Variants in NOTCH3 observed in about 807,000 individuals in gnomAD.
NOTCH3 encodes the protein notch receptor 3.
NOTCH3 carries 86 observed loss-of-function variants against 213.3 expected under a neutral mutation model. That is an observed-to-expected ratio of 0.40 (90% CI 0.34 to 0.48). The LOEUF is 0.48. NOTCH3 is among the 20% of genes least tolerant of loss of function. The probability of loss-of-function intolerance (pLI) is 0.57; values close to 1 mark genes in which losing one functional copy is unlikely to be tolerated. For missense variants in NOTCH3, 2,783 were observed against 3,272.6 expected, an observed-to-expected ratio of 0.85 and a Z score of 3.65; for synonymous variants, 1,354 against 1,355.9, an observed-to-expected ratio of 1.00 and a Z score of 0.03.
chr19:15,178,715 C>A, intron 23 of NOTCH3, 108 bp downstream of exon 23: 1 of 819,228 alleles, frequency 1.2e-6, no homozygotes, highest in Non-Finnish European at 2.1e-6. Flanking sequence ...AAACTCCCTT[C>A]CCTTCGATGT....
At chr19:15,184,874 A>C in intron 15 of NOTCH3, 32 bp downstream of exon 15, 2 of 1,199,938 alleles carry the variant, frequency 1.7e-6, no homozygotes, top group Non-Finnish European at 1.2e-6. Flanking sequence ...GAGGAGATGG[A>C]GAGGAGGAGG....
chr19:15,161,288 GC>G lies in NOTCH3; in HGVS notation c.6339del (p.Pro2115LeufsTer34). On this transcript the variant is annotated frameshift_variant, in exon 33 of 33. Transcript: ENST00000263388. LOFTEE classifies it low-confidence loss of function (END_TRUNC). ...GGGAAGCCACCAGGGGAAGCAGGGG[GC>G]CCACCGAAAGGCCGCGGGGAGTCCA... ...DSLDSPRPFGGPPASPGGFPL... is the reference protein window; with the variant it reads ...DSLDSPRPFGXPPASPGGFPL... 1 of 1,536,628 alleles carries G rather than the reference GC, an allele frequency of 6.5e-7. No individual in the cohort carries two copies. Among genetic ancestry groups the G allele is most frequent in the Non-Finnish European group, 8.7e-7 (1 of 1,144,240 alleles).
intron 2 of NOTCH3, among the ~76,000 whole-genome samples, chr19:15,194,668 A>G (rs1208355065): frequency 1.3e-5 from 2 of 152,046 alleles, no homozygotes; most frequent in Non-Finnish European, 2.9e-5. Context: ...AAAGTCTCAG[A>G]CCCATGTCCA....
chr19:15,177,405 A>G (rs2145414021), intron 24 of NOTCH3, 120 bp downstream of exon 24: 1 of 839,738 alleles, frequency 1.2e-6, no homozygotes, highest in South Asian at 1.4e-5. Flanking sequence ...GGGCAGATAG[A>G]GTGCACAGAG....
At chr19:15,182,866 T>A (rs2145425672) in intron 16 of NOTCH3, among the ~76,000 whole-genome samples, 1 of 152,264 alleles carries the variant, frequency 6.6e-6, no homozygotes, top group African/African-American at 2.4e-5. Flanking sequence ...GGTCTCAAAC[T>A]TCTGACCTCA....
In NOTCH3 at chr19:15,179,120, T is replaced by C. The variant is rs1394987716; in HGVS notation, c.3623A>G (p.Glu1208Gly). Residue 1208 changes from glutamate to glycine, a missense_variant, in exon 22 of 33, where the codon GAG (glutamate) becomes GGG (glycine). By Grantham distance (98) the Glu-to-Gly change is moderately conservative. Coordinates refer to ENST00000263388, the MANE Select transcript of NOTCH3 (RefSeq NM_000435.3). ...TGLRCEADIN[E>G]CRSGACHAAH... ...CGCGTGGCAGGCACCTGAGCGACAC[T>C]CATTGATGTCTGCCTCGCAGCGCAA... The C allele has an allele frequency of 6.2e-7, 1 of 1,614,162 alleles. No individual in the cohort carries two copies. The highest frequency in any genetic ancestry group is 8.5e-7 in the Non-Finnish European group (1 of 1,180,016).
intron 6 of NOTCH3, among the ~76,000 whole-genome samples, chr19:15,189,997 G>A (rs1047641806): frequency 6.6e-5 from 10 of 151,996 alleles, no homozygotes; most frequent in Non-Finnish European, 1.0e-4. Flanking sequence ...ATTGCAGACC[G>A]GGCACAGTGG....
intron 28 of NOTCH3, among the ~76,000 whole-genome samples, chr19:15,169,786 A>G (rs1483878834): frequency 6.6e-6 from 1 of 152,186 alleles, no homozygotes; most frequent in Non-Finnish European, 1.5e-5. Context: ...GGACACCTCC[A>G]GGAAGAGTGC....
rs566280818 is a variant in NOTCH3 at position 15,172,534 on chromosome 19, C to T, written c.4736+1534G>A. Among the ~76,000 whole-genome samples the T allele has an allele frequency of 6.6e-5, 10 of 152,198 alleles. No homozygotes were observed. The South Asian group carries it at 2.1e-3, about 32-fold the overall frequency. On this transcript the variant is annotated intron_variant, in intron 25 of 32. Coordinates refer to ENST00000263388, the MANE Select transcript of NOTCH3 (RefSeq NM_000435.3). ...TCCACCACCCACATCCCAATATCTG[C>T]AAAACCCAACCCTCCTCTCTGTATC...
chr19:15,165,675 C>A lies in NOTCH3; in HGVS notation c.5667+112G>T. On this transcript the variant is annotated intron_variant, in intron 30 of 32. Coordinates refer to ENST00000263388, the MANE Select transcript of NOTCH3 (RefSeq NM_000435.3). The surrounding 1 kb of genome is among the most constrained non-coding windows in gnomAD (Gnocchi z 4.7). Reference sequence around the variant, plus strand: ...TGACAGATACTGTATTCCCATATATCCCCATTTTCCAAATGAGAAAAAATG... The same window carrying A: ...TGACAGATACTGTATTCCCATATATACCCATTTTCCAAATGAGAAAAAATG... The A allele has an allele frequency of 8.1e-7, 1 of 1,229,536 alleles. No individual in the cohort carries two copies. Among genetic ancestry groups the A allele is most frequent in the Non-Finnish European group, 1.1e-6 (1 of 904,982 alleles). The allele number at this position is 1,229,536 out of a possible 1,614,324, so 76.2% of individuals were successfully genotyped here. A position where few individuals can be genotyped will look rare whatever the true frequency, so the allele number is the denominator to read the frequency against.
chr19:15,192,006 G>A lies in NOTCH3; in HGVS notation c.633C>T (p.Thr211=), dbSNP rs746518186. Reference sequence around the variant, plus strand: ...AAGTGAGGTCGCCACTCTGCCTGCAGGTGCCCCCGTTACGGCATGGTGAGG... The same window carrying A: ...AAGTGAGGTCGCCACTCTGCCTGCAAGTGCCCCCGTTACGGCATGGTGAGG... ...CAPSPCRNGG[T]CRQSGDLTYD... Residue 211 remains threonine (T), a synonymous_variant, in exon 4 of 33, where the codon ACC becomes ACT. Coordinates refer to ENST00000263388, the MANE Select transcript of NOTCH3 (RefSeq NM_000435.3). 4 of 1,613,238 alleles carry A rather than the reference G, an allele frequency of 2.5e-6. No homozygotes were observed. In the Admixed American group the frequency reaches 6.7e-5, roughly 27 times the overall value.
intron 5 of NOTCH3, 37 bp downstream of exon 5, chr19:15,191,708 G>C (rs368168586): frequency 6.2e-7 from 1 of 1,613,478 alleles, no homozygotes; most frequent in African/African-American, 1.3e-5. Flanking sequence ...GTCCACCCGA[G>C]GCCTGCCTCC....
rs747001926 is a variant in NOTCH3, at chr19:15,170,325, T to A, written c.5114+6A>T. Reference sequence around the variant, plus strand: ...GTCAGGGACAGGGAGCGAGCAGGGTTCTCACTTCATGCCCAGCGCGTCCTG... The same window carrying A: ...GTCAGGGACAGGGAGCGAGCAGGGTACTCACTTCATGCCCAGCGCGTCCTG... On this transcript the variant is annotated splice_donor_region_variant and intron_variant, in intron 27 of 32. Transcript: ENST00000263388. 17 of 1,611,690 alleles carry A rather than the reference T, an allele frequency of 1.1e-5. No homozygotes were observed. In the South Asian group the frequency reaches 1.9e-4, roughly 18 times the overall value.
intron 19 of NOTCH3, 122 bp from the exon 20 acceptor site, chr19:15,180,378 T>C (rs1382205577): frequency 8.9e-7 from 1 of 1,121,798 alleles, no homozygotes; most frequent in Admixed American, 2.0e-5. Context: ...CCACACTCCA[T>C]CAGGTTGTCA....
chr19:15,188,880 G>C, intron 8 of NOTCH3, 109 bp downstream of exon 8: 1 of 1,087,844 alleles, frequency 9.2e-7, no homozygotes, highest in South Asian at 1.5e-5. Context: ...GTCTCTAAGG[G>C]TCCCACTCCA....
Position 15,161,358 on chromosome 19 carries a change from GC to G in NOTCH3, c.6269del (p.Gly2090AlafsTer59), listed in dbSNP as rs1011713833. ...GCGTGACCGAGCTGTCAGCCAGGGG[GC>G]CCGGGCAGGCCAGCGTCAGCTTCTT... ...RGKKLTLACP[G>X]PLADSSVTLS... On this transcript the variant is annotated frameshift_variant, in exon 33 of 33. Coordinates refer to ENST00000263388, the MANE Select transcript of NOTCH3 (RefSeq NM_000435.3). LOFTEE classifies it low-confidence loss of function (END_TRUNC). 7 of 1,524,780 alleles carry G rather than the reference GC, an allele frequency of 4.6e-6. No individual in the cohort carries two copies. The highest frequency in any genetic ancestry group is 6.2e-6 in the Non-Finnish European group (7 of 1,138,016). The allele number at this position is 1,524,780 out of a possible 1,614,324, so 94.5% of individuals were successfully genotyped here. A position where few individuals can be genotyped will look rare whatever the true frequency, so the allele number is the denominator to read the frequency against.
chr19:15,185,243 G>T lies in NOTCH3; in HGVS notation c.2296+14C>A. 6.2e-7 allele frequency: 1 copy of T among 1,612,964 alleles called. No individual in the cohort carries two copies. Among genetic ancestry groups the T allele is most frequent in the Non-Finnish European group, 8.5e-7 (1 of 1,179,876 alleles). ...GGTGTTGGTGGGGCTGCAGAGGGAA[G>T]GTGAGGTACACACCCTGGACACCAG... On this transcript the variant is annotated intron_variant, in intron 14 of 32. Transcript: ENST00000263388. This position sits in a 1 kb window ranked among gnomAD's most constrained non-coding sequence, Gnocchi z 4.2.
At chr19:15,198,231 G>A (rs2046984977) in intron 1 of NOTCH3, among the ~76,000 whole-genome samples, 2 of 152,248 alleles carry the variant, frequency 1.3e-5, no homozygotes, top group Admixed American at 1.3e-4. Context: ...CCTCTAGGGT[G>A]TGGCATAGTC....
intron 11 of NOTCH3, 42 bp from the exon 12 acceptor site, chr19:15,187,030 C>T (rs772816026): frequency 1.2e-6 from 2 of 1,607,138 alleles, no homozygotes; most frequent in Non-Finnish European, 1.7e-6. Flanking sequence ...ACCACTGTGC[C>T]CCACTAGATG....
Sources: allele counts gnomAD v4.1 joint callset (sites outside exome capture counted in the v4.1 genomes callset), GRCh38; gene constraint gnomAD v4.1.1; non-coding constraint Gnocchi (gnomAD v3.1); transcripts MANE v1.5; gene names NCBI Gene and HGNC (gene_info 2026-07-23, HGNC 2026-07-21).